AHDC1: variants seen among roughly 807,000 people sequenced by gnomAD.
AHDC1 encodes transcription factor Gibbin.
Under a neutral mutation model 87.9 loss-of-function variants are expected in AHDC1, and 7 were observed. The observed-to-expected ratio is 0.08, with a 90% CI of 0.05 to 0.15. AHDC1 has a LOEUF of 0.15. Among genes scored for constraint, AHDC1 ranks in the 10% least tolerant of loss-of-function variants. The pLI, the probability that AHDC1 is intolerant of heterozygous loss-of-function variation, is 1.00. For missense variants in AHDC1, 1,841 were observed against 2,253.2 expected (o/e 0.82, Z 3.70); for synonymous variants, 1,051 against 1,006.8 (o/e 1.04, Z -0.83).
chr1:27,598,587 C>A lies in AHDC1; in HGVS notation c.-629+4810G>T, dbSNP rs1212986177. Among the ~76,000 whole-genome samples the A allele has an allele frequency of 6.6e-6, 1 of 152,144 alleles. No homozygotes were observed. The highest frequency in any genetic ancestry group is 1.9e-4 in the East Asian group (1 of 5,196). On this transcript the variant is annotated intron_variant, in intron 3 of 8. Transcript: ENST00000673934. This position sits in a 1 kb window ranked among gnomAD's most constrained non-coding sequence, Gnocchi z 4.2. ...CCTGGGGACCCCTCCTGCTCTGGTC[C>A]CAGTTCCAGGCATGAGGGGTTGTTC...
Position 27,598,405 on chromosome 1 carries a change from C to A in AHDC1, c.-629+4992G>T, listed in dbSNP as rs1244873109. Among the ~76,000 whole-genome samples, 3 of 152,210 alleles carry A rather than the reference C, an allele frequency of 2.0e-5. No individual in the cohort carries two copies. The highest frequency in any genetic ancestry group is 4.4e-5 in the Non-Finnish European group (3 of 68,020). ...CCTGCAGGAGAGGGATCCTTGATGCCCACCTTCCTCATCCCCTGGCCAATG... is the reference window on the plus strand; with the variant it reads ...CCTGCAGGAGAGGGATCCTTGATGCACACCTTCCTCATCCCCTGGCCAATG... On this transcript the variant is annotated intron_variant, in intron 3 of 8. Transcript: ENST00000673934. This position sits in a 1 kb window ranked among gnomAD's most constrained non-coding sequence, Gnocchi z 4.2.
At chr1:27,589,082 G>A (rs1015507779) in intron 3 of AHDC1, among the ~76,000 whole-genome samples, 3 of 152,044 alleles carry the variant, frequency 2.0e-5, no homozygotes, top group East Asian at 1.9e-4. Context: ...CCATGGCCTC[G>A]ACCACAGGCC....
rs975642793 is a variant in AHDC1 at position 27,598,953 on chromosome 1, G to A, written c.-629+4444C>T. ...CATTCTCCCTGGCTACTCTGTCCCT[G>A]TCCCCCACTCCCTCTCCAATAGCTC... On this transcript the variant is annotated intron_variant, in intron 3 of 8. Transcript: ENST00000673934. This position sits in a 1 kb window ranked among gnomAD's most constrained non-coding sequence, Gnocchi z 4.2. Among the ~76,000 whole-genome samples the A allele has an allele frequency of 5.9e-5, 9 of 152,128 alleles. No homozygotes were observed. The highest frequency in any genetic ancestry group is 2.2e-4 in the African/African-American group (9 of 41,410).
chr1:27,578,367 T>A (rs2088816177), intron 3 of AHDC1, among the ~76,000 whole-genome samples: 3 of 152,070 alleles, frequency 2.0e-5, no homozygotes, highest in Non-Finnish European at 4.4e-5. Flanking sequence ...GGTGGGTGGA[T>A]CACCTGAGGT....
At chr1:27,575,360 G>A (rs1021765271) in intron 3 of AHDC1, among the ~76,000 whole-genome samples, 8 of 152,250 alleles carry the variant, frequency 5.3e-5, no homozygotes, top group African/African-American at 1.9e-4. Context: ...CGCCGCGCAA[G>A]CCGGGAGGGG....
Position 27,558,663 on chromosome 1 carries a change from G to C in AHDC1, c.-451+43C>G, listed in dbSNP as rs1268343883. Reference sequence around the variant, plus strand: ...AAGTTCCCCTGATCCCCACTTCCTGGGGGTGGCCCAGGCCCAAGCCTGACT... The same window carrying C: ...AAGTTCCCCTGATCCCCACTTCCTGCGGGTGGCCCAGGCCCAAGCCTGACT... On this transcript the variant is annotated intron_variant, in intron 4 of 8. Transcript: ENST00000673934. This position sits in a 1 kb window ranked among gnomAD's most constrained non-coding sequence, Gnocchi z 5.6. 1.5e-5 allele frequency: 6 copies of C among 398,334 alleles called. No homozygotes were observed. The highest frequency in any genetic ancestry group is 2.7e-5 in the Non-Finnish European group (6 of 226,024). The allele number at this position is 398,334 out of a possible 1,614,324, so 24.7% of individuals were successfully genotyped here. A position where few individuals can be genotyped will look rare whatever the true frequency, so the allele number is the denominator to read the frequency against.
At chr1:27,576,643 C>T (rs532860882) in intron 3 of AHDC1, among the ~76,000 whole-genome samples, 1 of 152,348 alleles carries the variant, frequency 6.6e-6, no homozygotes, top group South Asian at 2.1e-4. Context: ...ACAGTGTTCA[C>T]CCTGACACAG....
rs2020113736 is a variant in AHDC1 at position 27,562,120 on chromosome 1, C to A, written c.-628-3237G>T. Among the ~76,000 whole-genome samples, 1 of 151,884 alleles carries A rather than the reference C, an allele frequency of 6.6e-6. No individual in the cohort carries two copies. The highest frequency in any genetic ancestry group is 1.5e-5 in the Non-Finnish European group (1 of 67,940). Reference sequence around the variant, plus strand: ...GGCAGCGAAGCAGAGGCAGGGTGGGCCGGGGAGAAGGGCCGAGGGGAGGCC... The same window carrying A: ...GGCAGCGAAGCAGAGGCAGGGTGGGACGGGGAGAAGGGCCGAGGGGAGGCC... On this transcript the variant is annotated intron_variant, in intron 3 of 8. Coordinates refer to ENST00000673934, the MANE Select transcript of AHDC1 (RefSeq NM_001371928.1). This position sits in a 1 kb window ranked among gnomAD's most constrained non-coding sequence, Gnocchi z 4.4.
intron 3 of AHDC1, among the ~76,000 whole-genome samples, chr1:27,600,199 G>T (rs1232102876): frequency 6.6e-6 from 1 of 151,770 alleles, no homozygotes; most frequent in East Asian, 2.0e-4. Flanking sequence ...CCCTGGGGGG[G>T]GCCCATCTGC....
chr1:27,600,628 A>G (rs2089504898), intron 3 of AHDC1, among the ~76,000 whole-genome samples: 1 of 152,056 alleles, frequency 6.6e-6, no homozygotes, highest in African/African-American at 2.4e-5. Flanking sequence ...CTGATTGGAG[A>G]ACAACAATGT....
intron 3 of AHDC1, among the ~76,000 whole-genome samples, chr1:27,571,444 G>T (rs145553239): frequency 6.6e-6 from 1 of 152,152 alleles, no homozygotes; most frequent in African/African-American, 2.4e-5. Context: ...GGAGGAAGAA[G>T]CCAGGGCAGG....
At position 27,553,181 on chromosome 1, in the gene AHDC1, A is replaced by G. The variant is rs1456465750; in HGVS notation, c.-220T>C. 6.6e-6 allele frequency: 1 copy of G among 152,656 alleles called. No individual in the cohort carries two copies. Among genetic ancestry groups the G allele is most frequent in the African/African-American group, 2.4e-5 (1 of 41,466 alleles). 9.5% of individuals were successfully genotyped at this position (152,656 alleles called of 1,614,324 possible). A position where few individuals can be genotyped will look rare whatever the true frequency, so the allele number is the denominator to read the frequency against. ...TGAGCCCAGGCCTCGGGGCGTGGAC[A>G]GCGCCTGGAAAGGACCATCGCAGCT... On this transcript the variant is annotated 5_prime_UTR_variant, in exon 6 of 9. Transcript: ENST00000673934.
intron 3 of AHDC1, among the ~76,000 whole-genome samples, chr1:27,567,441 A>G (rs571044427): frequency 6.6e-6 from 1 of 152,152 alleles, no homozygotes; most frequent in African/African-American, 2.4e-5. Context: ...GTCAAGCGAG[A>G]TGTCACTAAT....
At position 27,593,252 on chromosome 1, in the gene AHDC1, C is replaced by T. The variant is rs761149707; in HGVS notation, c.-629+10145G>A. On this transcript the variant is annotated intron_variant, in intron 3 of 8. Transcript: ENST00000673934. This position sits in a 1 kb window ranked among gnomAD's most constrained non-coding sequence, Gnocchi z 4.9. Reference sequence around the variant, plus strand: ...CCCCTCCACTCCTCCAGGCAGGCAGCGATAGGATTACTTCTGCATGACTGC... The same window carrying T: ...CCCCTCCACTCCTCCAGGCAGGCAGTGATAGGATTACTTCTGCATGACTGC... 1.3e-5 allele frequency among the ~76,000 whole-genome samples: 2 copies of T among 151,968 alleles called. No homozygotes were observed. Among genetic ancestry groups the T allele is most frequent in the Admixed American group, 6.5e-5 (1 of 15,284 alleles).
Position 27,549,496 on chromosome 1 carries a change from G to A in AHDC1, c.2620C>T (p.Pro874Ser). The A allele has an allele frequency of 6.2e-7, 1 of 1,613,238 alleles. No individual in the cohort carries two copies. Among genetic ancestry groups the A allele is most frequent in the Non-Finnish European group, 8.5e-7 (1 of 1,179,950 alleles). The part of the protein sequence containing the change: ...SRKASGTYAG[P>S]PTSALPAQRG... ...TGGGCAGGCAGGGCACTGGTGGGTG[G>A]CCCTGCATAGGTGCCCGATGCCTTC... The change falls in exon 8 of 9, where the codon CCA becomes TCA. Residue 874 changes from proline to serine, a missense_variant. Coordinates refer to ENST00000673934, the MANE Select transcript of AHDC1 (RefSeq NM_001371928.1).
chr1:27,557,382 G>A (rs1261136648), intron 5 of AHDC1, among the ~76,000 whole-genome samples: 1 of 76,422 alleles, frequency 1.3e-5, no homozygotes, highest in African/African-American at 5.0e-5. Context: ...TCTCACCCCC[G>A]CCCACCTCCT....
At chr1:27,572,391 G>A (rs1365632758) in intron 3 of AHDC1, among the ~76,000 whole-genome samples, 1 of 152,190 alleles carries the variant, frequency 6.6e-6, no homozygotes, top group East Asian at 1.9e-4. Context: ...CCCAAAACAT[G>A]GCCAGGATTC....
At chr1:27,545,281 C>A (rs1319770322) in intron 8 of AHDC1, among the ~76,000 whole-genome samples, 1 of 152,102 alleles carries the variant, frequency 6.6e-6, no homozygotes. Context: ...CACTGTGGTG[C>A]CCCCAATGCC....
chr1:27,548,424 G>A lies in AHDC1; in HGVS notation c.3692C>T (p.Pro1231Leu), dbSNP rs559597076. ...QSVLFQSSSK[P>L]GRGRRKKVDL... is the part of the protein sequence containing the mutation. ...CACCTTCTTCCGCCGTCCACGGCCC[G>A]GCTTGGAGCTACTCTGAAAGAGGAC... is the stretch of plus-strand genomic sequence containing the variant. The change falls in exon 8 of 9, where the codon CCG becomes CTG. Residue 1231 changes from proline (P) to leucine (L), a missense_variant. By Grantham distance (98) the Pro-to-Leu change is moderately conservative (BLOSUM62 -3). Around this residue, in one of 13 missense-constraint regions of AHDC1, gnomAD observed 505 missense variants for 626.2 expected, o/e 0.81. Transcript: ENST00000673934. 7 of 1,612,080 alleles carry A rather than the reference G, an allele frequency of 4.3e-6. No homozygotes were observed. The highest frequency in any genetic ancestry group is 1.3e-5 in the African/African-American group (1 of 74,906).
Sources: gnomAD v4.1 joint callset for allele counts (sites outside exome capture counted in the v4.1 genomes callset) on GRCh38, gnomAD v4.1.1 for gene constraint, gnomAD v4.1.1 regional missense constraint, Gnocchi (gnomAD v3.1) non-coding constraint, MANE v1.5 for transcripts, NCBI Gene and HGNC (gene_info 2026-07-23, HGNC 2026-07-21) for gene names.